The following ZBBX variants were observed in gnomAD, a reference collection of about 807,000 sequenced individuals.
ZBBX encodes zinc finger B-box domain containing, also known as zinc finger B-box domain-containing protein 1.
ZBBX carries 101 observed loss-of-function variants against 108.5 expected under a neutral mutation model. That is an observed-to-expected ratio of 0.93 (90% CI 0.79 to 1.10). The LOEUF (loss-of-function observed/expected upper bound fraction) is 1.10, where lower values mean the gene tolerates loss of function less well. ZBBX is among the 50% of genes least tolerant of loss of function. The pLI is 0.00. For synonymous variants in ZBBX, 356 were observed against 323.4 expected, an observed-to-expected ratio of 1.10 and a Z score of -1.08; for missense variants, 1,009 against 941.4, an observed-to-expected ratio of 1.07 and a Z score of -0.94.
intron 1 of ZBBX, among the ~76,000 whole-genome samples, chr3:167,390,214 A>G (rs1748046033): frequency 6.6e-6 from 1 of 152,158 alleles, no homozygotes; most frequent in Admixed American, 6.5e-5. Context: ...CATTTATTAA[A>G]TAGGGAATTA....
chr3:167,250,206 T>A (rs1207414416), intron 20 of ZBBX, among the ~76,000 whole-genome samples: 1 of 152,188 alleles, frequency 6.6e-6, no homozygotes, highest in African/African-American at 2.4e-5. Flanking sequence ...CAACTTGGTC[T>A]TTTATAATAG....
intron 1 of ZBBX, among the ~76,000 whole-genome samples, chr3:167,392,151 A>G (rs1463317312): frequency 6.6e-6 from 1 of 151,766 alleles, no homozygotes; most frequent in Non-Finnish European, 1.5e-5. Context: ...GGAATCACAC[A>G]ATTTGTACTC....
chr3:167,365,899 C>T lies in ZBBX; in HGVS notation c.260G>A (p.Gly87Glu), dbSNP rs867087967. 1 of 1,606,206 alleles carries T rather than the reference C, an allele frequency of 6.2e-7. No individual in the cohort carries two copies. The highest frequency in any genetic ancestry group is 8.5e-7 in the Non-Finnish European group (1 of 1,174,898). Residue 87 changes from glycine to glutamate, a missense_variant, in exon 6 of 22, where the codon GGA (glycine) becomes GAA (glutamate). Physicochemically the swap from Gly to Glu is moderately conservative, Grantham distance 98. Coordinates refer to ENST00000675490, the MANE Select transcript of ZBBX (RefSeq NM_001199201.2). ...NQSYMMSQNKGNVVKFSAGKV... is the reference protein window; with the variant it reads ...NQSYMMSQNKENVVKFSAGKV... ...GTATCTTCTTACCTTAACAACATTT[C>T]CTTTATTTTGTGACATCATATATGA... is the stretch of plus-strand genomic sequence containing the variant.
rs200184871 is a variant in ZBBX, at chr3:167,328,055, T to C, written c.749A>G (p.Glu250Gly). 1 of 1,613,924 alleles carries C rather than the reference T, an allele frequency of 6.2e-7. No individual in the cohort carries two copies. The highest frequency in any genetic ancestry group is 8.5e-7 in the Non-Finnish European group (1 of 1,179,910). ...AGAAGCTTCTTCATCGAATGACCCT[T>C]CACACAACAGACTCTTTCTTGGTTT... ...RTKPRKSLLC[E>G]GSFDEEASAQ... Residue 250 changes from glutamate to glycine, a missense_variant, in exon 11 of 22, where the codon GAA (glutamate) becomes GGA (glycine). Glu to Gly is a moderately conservative substitution (Grantham distance 98). Transcript: ENST00000675490.
chr3:167,356,519 A>G (rs1476264751), intron 8 of ZBBX, among the ~76,000 whole-genome samples: 1 of 152,174 alleles, frequency 6.6e-6, no homozygotes, highest in Non-Finnish European at 1.5e-5. Context: ...ATACATAACC[A>G]TTAAATTCTT....
At chr3:167,201,533 C>G in the ZBBX span, among the ~76,000 whole-genome samples, 3 of 152,082 alleles carry the variant, frequency 2.0e-5, no homozygotes, top group African/African-American at 7.2e-5. Flanking sequence ...ATGAATAATA[C>G]TGAACTAATC....
chr3:167,234,836 C>T, the ZBBX span, among the ~76,000 whole-genome samples: 1 of 151,760 alleles, frequency 6.6e-6, no homozygotes, highest in Non-Finnish European at 1.5e-5. Flanking sequence ...TGCATCTAGA[C>T]ATAGCTAAAT....
the ZBBX span, among the ~76,000 whole-genome samples, chr3:167,224,263 T>C: frequency 5.3e-5 from 8 of 151,980 alleles, no homozygotes; most frequent in Admixed American, 5.3e-4. Context: ...TCCATGTATT[T>C]TTTTATAAAC....
rs1246033104 is a variant in ZBBX, at chr3:167,305,652, C to A, written c.1716G>T (p.Lys572Asn). Residue 572 changes from lysine (K) to asparagine (N), a missense_variant, in exon 17 of 22, where the codon AAG (lysine) becomes AAT (asparagine). Lys to Asn is a moderately conservative substitution (Grantham distance 94, BLOSUM62 0). Transcript: ENST00000675490. ...CATAATAGAGATTTACCAGTGATGACTTTGTAGTTTTTGATTCTTCAAAGC... is the reference window on the plus strand; with the variant it reads ...CATAATAGAGATTTACCAGTGATGAATTTGTAGTTTTTGATTCTTCAAAGC... ...RPSFEESKTTKSSLLLQEIAC... is the reference protein window; with the variant it reads ...RPSFEESKTTNSSLLLQEIAC... The A allele has an allele frequency of 5.8e-6, 9 of 1,553,940 alleles. No individual in the cohort carries two copies. Among genetic ancestry groups the A allele is most frequent in the Non-Finnish European group, 7.8e-6 (9 of 1,156,138 alleles).
intron 20 of ZBBX, among the ~76,000 whole-genome samples, chr3:167,257,640 C>G (rs747773960): frequency 2.0e-5 from 3 of 152,034 alleles, no homozygotes; most frequent in Non-Finnish European, 4.4e-5. Context: ...TTGAAATGAT[C>G]ATATGGTTAT....
At chr3:167,321,055 T>C (rs1736356154) in intron 12 of ZBBX, among the ~76,000 whole-genome samples, 1 of 152,054 alleles carries the variant, frequency 6.6e-6, no homozygotes. Flanking sequence ...ATTGTCCCTA[T>C]GTAAGTTTCC....
At chr3:167,266,882 G>A (rs954005172) in intron 20 of ZBBX, among the ~76,000 whole-genome samples, 3 of 152,056 alleles carry the variant, frequency 2.0e-5, no homozygotes, top group Admixed American at 6.5e-5. Context: ...GAGAAGGCAC[G>A]CCCCGCCACC....
the ZBBX span, among the ~76,000 whole-genome samples, chr3:167,200,939 T>A: frequency 6.6e-6 from 1 of 152,098 alleles, no homozygotes; most frequent in Non-Finnish European, 1.5e-5. Flanking sequence ...AAGATGGAAA[T>A]ATGAAATTGC....
intron 9 of ZBBX, among the ~76,000 whole-genome samples, chr3:167,348,369 A>AAAGAAAGAAAAAGAAAGAAAG (rs759038070): frequency 1.4e-5 from 2 of 140,562 alleles, no homozygotes; most frequent in African/African-American, 2.7e-5. Flanking sequence ...AGAAAGAAAG[A>AAAGAAAGAAAAAGAAAGAAAG]AAAAAAAGAA....
intron 10 of ZBBX, among the ~76,000 whole-genome samples, chr3:167,330,513 G>A (rs1738248995): frequency 6.6e-6 from 1 of 152,050 alleles, no homozygotes; most frequent in South Asian, 2.1e-4. Context: ...ACTACATTTT[G>A]AGATAGGGCC....
chr3:167,343,141 T>C (rs945671858), intron 9 of ZBBX, among the ~76,000 whole-genome samples: 2 of 151,932 alleles, frequency 1.3e-5, no homozygotes, highest in African/African-American at 2.4e-5. Flanking sequence ...TGGAGCACCT[T>C]CTATGAGCAG....
rs73879694 is a variant in ZBBX, at chr3:167,386,487, A to T, written c.-445-6082T>A. ...AGTAGAGCGTTGATCTGTAACTCTC[A>T]TAATTGCAAATTAATATTCTTGCAT... On this transcript the variant is annotated intron_variant, in intron 1 of 21. Coordinates refer to the ZBBX transcript ENST00000455345. 5.7e-3 allele frequency among the ~76,000 whole-genome samples: 874 copies of T among 152,194 alleles called. 11 individuals carry two copies. Among genetic ancestry groups the T allele is most frequent in the African/African-American group, 0.02 (830 of 41,544 alleles).
intron 21 of ZBBX, among the ~76,000 whole-genome samples, chr3:167,241,999 T>C (rs1215722078): frequency 6.6e-6 from 1 of 152,174 alleles, no homozygotes; most frequent in Non-Finnish European, 1.5e-5. Context: ...CCTACATTCC[T>C]TGTAAGCTGA....
rs75252894 is a variant in ZBBX, at chr3:167,313,602, T to C, written c.1417+372A>G. 5.8e-3 allele frequency among the ~76,000 whole-genome samples: 877 copies of C among 152,188 alleles called. 6 individuals are homozygous for C. The highest frequency in any genetic ancestry group is 0.02 in the African/African-American group (834 of 41,530). On this transcript the variant is annotated intron_variant, in intron 16 of 21. Coordinates refer to ENST00000675490, the MANE Select transcript of ZBBX (RefSeq NM_001199201.2). The stretch of plus-strand genomic sequence containing the variant: ...CGGCCAGTGATTTGTTTTATTTTGG[T>C]TCATCTCTCATGTGAAACTTTATAT...
Sources: allele counts gnomAD v4.1 joint callset (sites outside exome capture counted in the v4.1 genomes callset), GRCh38; gene constraint gnomAD v4.1.1; transcripts MANE v1.5; gene names NCBI Gene and HGNC (gene_info 2026-07-23, HGNC 2026-07-21).